RALYL: variants seen among roughly 807,000 people sequenced by gnomAD.
RALYL encodes the protein RNA-binding Raly-like protein.
A neutral mutation model predicts 35.1 loss-of-function variants in RALYL; 29 were observed. The observed-to-expected ratio is 0.83, with a 90% CI of 0.61 to 1.13. RALYL has a LOEUF of 1.13. RALYL is among the 50% of genes most tolerant of loss of function. RALYL has a pLI of 0.00. For synonymous variants in RALYL, 120 were observed against 127.6 expected (o/e 0.94, Z 0.40); for missense variants, 359 against 360.4 (o/e 1.00, Z 0.03).
chr8:84,705,023 G>A (rs1380528511), intron 2 of RALYL, among the ~76,000 whole-genome samples: 3 of 152,090 alleles, frequency 2.0e-5, no homozygotes, highest in Non-Finnish European at 4.4e-5. Context: ...CTAGCATGTG[G>A]GTCCTTCTGT....
intron 1 of RALYL, among the ~76,000 whole-genome samples, chr8:84,280,880 A>G (rs1440370235): frequency 2.0e-5 from 3 of 152,096 alleles, no homozygotes; most frequent in African/African-American, 7.2e-5. Flanking sequence ...ATTTTTTATT[A>G]TTCCATGAAG....
At chr8:84,551,017 G>A (rs1238100015) in intron 2 of RALYL, among the ~76,000 whole-genome samples, 2 of 151,978 alleles carry the variant, frequency 1.3e-5, no homozygotes, top group Admixed American at 6.6e-5. Flanking sequence ...TTTAAGGGTA[G>A]TGACATTTAC....
chr8:84,654,249 G>A lies in RALYL; in HGVS notation c.257-120330G>A, dbSNP rs985681278. On this transcript the variant is annotated intron_variant, in intron 2 of 8. Coordinates refer to ENST00000521268, the MANE Select transcript of RALYL (RefSeq NM_173848.7). Reference sequence around the variant, plus strand: ...AACAAAACAAACCACCACCACCAACGTATATGTATATCTCATGTTCCATAT... The same window carrying A: ...AACAAAACAAACCACCACCACCAACATATATGTATATCTCATGTTCCATAT... 5.1e-5 allele frequency among the ~76,000 whole-genome samples: 5 copies of A among 97,500 alleles called. No homozygotes were observed. In the Admixed American group the frequency reaches 6.5e-4, roughly 13 times the overall value. 64.0% of individuals were successfully genotyped at this position (97,500 alleles called of 152,430 possible).
chr8:84,289,460 A>G (rs1838331789), intron 1 of RALYL, among the ~76,000 whole-genome samples: 2 of 152,288 alleles, frequency 1.3e-5, no homozygotes, highest in African/African-American at 4.8e-5. Context: ...ATTATATAAG[A>G]GGAGTTGTAA....
In RALYL at chr8:84,283,244, T is replaced by C. The variant is rs76719161; in HGVS notation, c.-24+98820T>C. On this transcript the variant is annotated intron_variant, in intron 1 of 8. Coordinates refer to ENST00000521268, the MANE Select transcript of RALYL (RefSeq NM_173848.7). ...AAAAGAGTTAACCTGAGTTTGCTAT[T>C]GCATAGGCTTCCTGGGCATTGCTGA... Among the ~76,000 whole-genome samples, 980 of 152,250 alleles carry C rather than the reference T, an allele frequency of 6.4e-3. 9 individuals carry two copies. Among genetic ancestry groups the C allele is most frequent in the East Asian group, 0.016 (82 of 5,186 alleles).
chr8:84,702,535 TCTCTCACA>T (rs1185564220), intron 2 of RALYL, among the ~76,000 whole-genome samples: 12 of 141,690 alleles, frequency 8.5e-5, no homozygotes, highest in African/African-American at 3.0e-4. Context: ...TCTCTCTCTC[TCTCTCACA>T]CACACACACA....
chr8:84,446,408 G>A lies in RALYL; in HGVS notation c.-23-82891G>A, dbSNP rs558820282. Among the ~76,000 whole-genome samples the A allele has an allele frequency of 2.8e-4, 42 of 151,962 alleles. No individual in the cohort carries two copies. In the South Asian group the frequency reaches 4.2e-3, roughly 15 times the overall value. ...CAAAAAAAAGGAAAAATACAGAATCGTTATATTCATGGATCTAGCTCTGGA... is the reference window on the plus strand; with the variant it reads ...CAAAAAAAAGGAAAAATACAGAATCATTATATTCATGGATCTAGCTCTGGA... On this transcript the variant is annotated intron_variant, in intron 1 of 8. Coordinates refer to ENST00000521268, the MANE Select transcript of RALYL (RefSeq NM_173848.7).
chr8:84,906,654 A>T (rs989930758), intron 8 of RALYL, among the ~76,000 whole-genome samples: 1 of 152,046 alleles, frequency 6.6e-6, no homozygotes, highest in Non-Finnish European at 1.5e-5. Flanking sequence ...CTGACCTTTT[A>T]CAATTCTTGC....
intron 1 of RALYL, among the ~76,000 whole-genome samples, chr8:84,467,520 A>C (rs2133572149): frequency 6.6e-6 from 1 of 150,486 alleles, no homozygotes; most frequent in Non-Finnish European, 1.5e-5. Flanking sequence ...GTTTGTTATA[A>C]TTTCTGTTCT....
intron 8 of RALYL, among the ~76,000 whole-genome samples, chr8:84,912,283 T>C (rs1847633296): frequency 6.6e-6 from 1 of 152,072 alleles, no homozygotes; most frequent in Non-Finnish European, 1.5e-5. Context: ...TAATGAAAGA[T>C]GCTCCTATCA....
At chr8:84,578,772 G>A (rs1810118026) in intron 2 of RALYL, among the ~76,000 whole-genome samples, 1 of 152,206 alleles carries the variant, frequency 6.6e-6, no homozygotes, top group African/African-American at 2.4e-5. Context: ...GACCTGAAGT[G>A]GTTAGCTCCT....
chr8:84,823,095 A>T (rs1471561956), intron 4 of RALYL, among the ~76,000 whole-genome samples: 2 of 152,168 alleles, frequency 1.3e-5, no homozygotes, highest in Non-Finnish European at 2.9e-5. Context: ...AACGTGTAGC[A>T]TGTTTATATG....
chr8:84,296,623 A>ATTTTT (rs397891420), intron 1 of RALYL, among the ~76,000 whole-genome samples: 1 of 76,644 alleles, frequency 1.3e-5, no homozygotes, highest in Non-Finnish European at 2.5e-5. Context: ...TCTCTCTTGC[A>ATTTTT]TTTTTTTTTT....
chr8:84,882,142 C>T (rs1260057771), intron 7 of RALYL, among the ~76,000 whole-genome samples: 1 of 151,920 alleles, frequency 6.6e-6, no homozygotes, highest in Admixed American at 6.6e-5. Context: ...ATGTAGGTGT[C>T]TTAGAGGTGT....
chr8:84,562,688 C>A (rs1453833936), intron 2 of RALYL, among the ~76,000 whole-genome samples: 2 of 151,988 alleles, frequency 1.3e-5, no homozygotes, highest in Admixed American at 1.3e-4. Flanking sequence ...TCTTGCTATA[C>A]AAAATGTGGT....
At chr8:84,300,364 T>G (rs952492655) in intron 1 of RALYL, among the ~76,000 whole-genome samples, 2 of 151,988 alleles carry the variant, frequency 1.3e-5, no homozygotes, top group Non-Finnish European at 2.9e-5. Flanking sequence ...TGGCTGATTA[T>G]GTGGTTTTTA....
At chr8:84,903,067 G>A (rs1452260325) in intron 8 of RALYL, among the ~76,000 whole-genome samples, 1 of 151,974 alleles carries the variant, frequency 6.6e-6, no homozygotes, top group Admixed American at 6.6e-5. Flanking sequence ...TAACGACTTG[G>A]TTATGGTGTT....
chr8:84,281,434 G>A (rs1836533970), intron 1 of RALYL, among the ~76,000 whole-genome samples: 1 of 152,054 alleles, frequency 6.6e-6, no homozygotes, highest in East Asian at 1.9e-4. Flanking sequence ...AAGATGTAAG[G>A]TTTTACAACA....
At chr8:84,566,138 G>A (rs2061767509) in intron 2 of RALYL, among the ~76,000 whole-genome samples, 3 of 151,496 alleles carry the variant, frequency 2.0e-5, no homozygotes, top group Non-Finnish European at 3.0e-5. Flanking sequence ...GTCATTAGGA[G>A]AAAGAATGAT....
Sources: allele counts gnomAD v4.1 joint callset (sites outside exome capture counted in the v4.1 genomes callset), GRCh38; gene constraint gnomAD v4.1.1; transcripts MANE v1.5; gene names NCBI Gene and HGNC (gene_info 2026-07-23, HGNC 2026-07-21).